Variants in GRIK2 observed in about 807,000 individuals in gnomAD.
GRIK2 encodes glutamate receptor ionotropic, kainate 2.
Under a neutral mutation model 100.3 loss-of-function variants are expected in GRIK2, and 32 were observed. The observed-to-expected ratio is 0.32, with a 90% CI of 0.24 to 0.43. The LOEUF (loss-of-function observed/expected upper bound fraction) is 0.43, where lower values mean the gene tolerates loss of function less well. Ranked by LOEUF, GRIK2 falls within the 20% of genes least tolerant of loss-of-function variation. GRIK2 has a pLI of 1.00. For synonymous variants in GRIK2, 417 were observed against 389.4 expected (o/e 1.07, Z -0.83); for missense variants, 843 against 1,114.9 (o/e 0.76, Z 3.47).
intron 2 of GRIK2, among the ~76,000 whole-genome samples, chr6:101,501,685 C>A (rs1227952019): frequency 6.6e-6 from 1 of 152,064 alleles, no homozygotes; most frequent in African/African-American, 2.4e-5. Flanking sequence ...ACTATAGTAA[C>A]CTGATTTGAA....
At chr6:101,899,864 G>A (rs1446255515) in intron 12 of GRIK2, among the ~76,000 whole-genome samples, 1 of 152,074 alleles carries the variant, frequency 6.6e-6, no homozygotes, top group Non-Finnish European at 1.5e-5. Flanking sequence ...GTGTTTCCCT[G>A]CTTCCCTTAC....
chr6:101,565,798 A>G (rs1777226492), intron 2 of GRIK2, among the ~76,000 whole-genome samples: 1 of 151,392 alleles, frequency 6.6e-6, no homozygotes, highest in Admixed American at 6.6e-5. Flanking sequence ...TGTAACTACT[A>G]TTTACCTATT....
chr6:101,858,431 A>G (rs539680919), intron 10 of GRIK2, among the ~76,000 whole-genome samples: 1 of 128,352 alleles, frequency 7.8e-6, no homozygotes, highest in South Asian at 2.4e-4. Context: ...TCTGTCACCC[A>G]GACTTGAGTG....
intron 2 of GRIK2, among the ~76,000 whole-genome samples, chr6:101,505,448 G>A (rs1047532825): frequency 2.0e-5 from 3 of 152,198 alleles, no homozygotes; most frequent in South Asian, 2.1e-4. Flanking sequence ...AATGTTTCAG[G>A]TGTCAGTGGC....
intron 10 of GRIK2, among the ~76,000 whole-genome samples, chr6:101,857,781 T>C (rs974122635): frequency 6.6e-6 from 1 of 152,244 alleles, no homozygotes; most frequent in Admixed American, 6.5e-5. Context: ...TGGAATCTTT[T>C]TGCACTTAGT....
At chr6:101,509,728 T>C (rs528647340) in intron 2 of GRIK2, among the ~76,000 whole-genome samples, 1 of 152,334 alleles carries the variant, frequency 6.6e-6, no homozygotes, top group South Asian at 2.1e-4. Context: ...ATCAAGGGTA[T>C]TCATAATCAA....
intron 2 of GRIK2, among the ~76,000 whole-genome samples, chr6:101,446,238 C>T (rs1272453676): frequency 6.6e-6 from 1 of 151,722 alleles, no homozygotes; most frequent in Non-Finnish European, 1.5e-5. Context: ...TTATGAGGCA[C>T]CAAATTAAAT....
In GRIK2 at chr6:102,030,462, C is replaced by G. The variant is rs532665436; in HGVS notation, c.2086-4879C>G. Among the ~76,000 whole-genome samples, 9 of 150,788 alleles carry G rather than the reference C, an allele frequency of 6.0e-5. No individual in the cohort carries two copies. The East Asian group carries it at 1.8e-3, about 30-fold the overall frequency. On this transcript the variant is annotated intron_variant, in intron 14 of 16. Transcript: ENST00000369134. Reference sequence around the variant, plus strand: ...TGCTACCAGTTTACTTTCCTCAAATCCTTTCTTAATCCACTTTGATGTGAC... The same window carrying G: ...TGCTACCAGTTTACTTTCCTCAAATGCTTTCTTAATCCACTTTGATGTGAC...
intron 2 of GRIK2, among the ~76,000 whole-genome samples, chr6:101,611,014 T>G (rs548373628): frequency 6.6e-6 from 1 of 151,878 alleles, no homozygotes; most frequent in African/African-American, 2.4e-5. Context: ...CTTCTCAGTG[T>G]GCAGTGCCTC....
chr6:101,885,981 A>C (rs1786583639), intron 11 of GRIK2, among the ~76,000 whole-genome samples: 1 of 152,130 alleles, frequency 6.6e-6, no homozygotes, highest in African/African-American at 2.4e-5. Context: ...ATGAGTTTTG[A>C]TAAATGCATA....
At chr6:101,861,745 C>T (rs894940960) in intron 11 of GRIK2, among the ~76,000 whole-genome samples, 3 of 152,036 alleles carry the variant, frequency 2.0e-5, no homozygotes, top group African/African-American at 2.4e-5. Context: ...TTTGATATTT[C>T]GCAAATTTGA....
intron 11 of GRIK2, among the ~76,000 whole-genome samples, chr6:101,873,460 G>A (rs1209434177): frequency 2.6e-5 from 4 of 151,950 alleles, no homozygotes; most frequent in Non-Finnish European, 5.9e-5. Context: ...ATTCCATGGT[G>A]TATATGTGCC....
chr6:101,575,045 ATATT>A (rs1356190654), intron 2 of GRIK2, among the ~76,000 whole-genome samples: 12 of 151,836 alleles, frequency 7.9e-5, no homozygotes, highest in East Asian at 1.9e-4. Context: ...ATATGATTTA[ATATT>A]TATTTAATAT....
chr6:101,982,654 C>CA (rs1793783004), intron 14 of GRIK2, among the ~76,000 whole-genome samples: 1 of 143,050 alleles, frequency 7.0e-6, no homozygotes. Flanking sequence ...CCCCCTTCTT[C>CA]TTTTTTTTTT....
chr6:101,706,602 T>G (rs879372083), intron 7 of GRIK2, among the ~76,000 whole-genome samples: 12 of 151,928 alleles, frequency 7.9e-5, no homozygotes, highest in Non-Finnish European at 1.5e-4. Flanking sequence ...GAGGTTAGAA[T>G]AGACAGTTTT....
At chr6:101,635,285 G>T (rs780238231) in intron 4 of GRIK2, among the ~76,000 whole-genome samples, 11 of 151,994 alleles carry the variant, frequency 7.2e-5, no homozygotes, top group South Asian at 4.1e-4. Flanking sequence ...CACACAGTTG[G>T]TTATGCTTGA....
At chr6:101,802,596 A>G (rs1382450684) in intron 9 of GRIK2, among the ~76,000 whole-genome samples, 158 bp downstream of exon 9, 1 of 151,942 alleles carries the variant, frequency 6.6e-6, no homozygotes, top group Non-Finnish European at 1.5e-5. Context: ...ATAATTGACA[A>G]TTAGGATTCA....
intron 4 of GRIK2, among the ~76,000 whole-genome samples, chr6:101,638,820 C>A (rs1289034186): frequency 1.3e-5 from 2 of 150,646 alleles, no homozygotes; most frequent in Non-Finnish European, 3.0e-5. Flanking sequence ...CTAGTCTCTA[C>A]AGAAAAAAAA....
chr6:101,621,313 A>G (rs970093907), intron 2 of GRIK2, among the ~76,000 whole-genome samples: 41 of 151,988 alleles, frequency 2.7e-4, no homozygotes, highest in African/African-American at 9.7e-4. Flanking sequence ...ATTAGCTGGA[A>G]ATGATGGCAC....
Sources: allele counts gnomAD v4.1 joint callset (sites outside exome capture counted in the v4.1 genomes callset), GRCh38; gene constraint gnomAD v4.1.1; transcripts MANE v1.5; gene names NCBI Gene and HGNC (gene_info 2026-07-23, HGNC 2026-07-21).